Variants in GOLGA1 observed in about 807,000 individuals in gnomAD.
GOLGA1 encodes golgin A1, also known as golgin subfamily A member 1.
GOLGA1 carries 63 observed loss-of-function variants against 119.7 expected under a neutral mutation model. The ratio of observed to expected loss-of-function variants is 0.53; its 90% CI spans 0.43 to 0.65. GOLGA1 has a LOEUF of 0.65. Among genes scored for constraint, GOLGA1 ranks in the 30% least tolerant of loss-of-function variants. The pLI is 0.00. For synonymous variants in GOLGA1, 318 were observed against 333.4 expected (o/e 0.95, Z 0.50); for missense variants, 798 against 912.8 (o/e 0.87, Z 1.62).
chr9:124,925,079 CAAA>C (rs904132877), intron 7 of GOLGA1, among the ~76,000 whole-genome samples: 1 of 132,408 alleles, frequency 7.6e-6, no homozygotes, highest in Admixed American at 7.7e-5. Flanking sequence ...GACTCCGTCT[CAAA>C]AAAAAAAAAG....
chr9:124,923,857 G>A (rs147201348), intron 7 of GOLGA1, among the ~76,000 whole-genome samples: 98 of 151,988 alleles, frequency 6.4e-4, no homozygotes, highest in Middle Eastern at 3.4e-3. Flanking sequence ...CTCTTTCGTC[G>A]TTGTTGTTTG....
chr9:124,911,543 C>T (rs975319142), intron 11 of GOLGA1, among the ~76,000 whole-genome samples: 1 of 152,194 alleles, frequency 6.6e-6, no homozygotes, highest in Admixed American at 6.5e-5. Context: ...TGCCAAGGGG[C>T]AGATGTAGCT....
upstream of GOLGA1, among the ~76,000 whole-genome samples, chr9:124,942,397 G>C (rs1831066252): frequency 6.6e-6 from 1 of 152,160 alleles, no homozygotes; most frequent in Non-Finnish European, 1.5e-5. Flanking sequence ...CCAAGAATAA[G>C]CAGATTCCAC....
chr9:124,899,568 C>T, intron 13 of GOLGA1, 90 bp from the exon 14 acceptor site: 1 of 1,228,416 alleles, frequency 8.1e-7, no homozygotes, highest in Non-Finnish European at 1.1e-6. Context: ...GATGAGTATC[C>T]AACAGAAACA....
At chr9:124,947,695 T>A (rs1175691372) in intron 1 of GOLGA1, 1 of 152,156 alleles carries the variant, frequency 6.6e-6, no homozygotes, top group Non-Finnish European at 1.5e-5. Context: ...CACAAAAATA[T>A]ACATATGCCA....
rs749413063 is a variant in GOLGA1 at position 124,923,181 on chromosome 9, G to T, written c.475C>A (p.Gln159Lys). The change falls in exon 8 of 23, where the codon CAG becomes AAG. Residue 159 changes from glutamine (Q) to lysine (K), a missense_variant. Gln to Lys is a moderately conservative substitution (Grantham distance 53, BLOSUM62 1). Coordinates refer to ENST00000373555, the MANE Select transcript of GOLGA1 (RefSeq NM_002077.4). ...LTAQLQEMKN[Q>K]SMNLFQRRDE... ...CTCCTTTGGAAAAGATTCATACTCTGGTTCTTCATTTCCTGTAACTGGGCT... is the reference window on the plus strand; with the variant it reads ...CTCCTTTGGAAAAGATTCATACTCTTGTTCTTCATTTCCTGTAACTGGGCT... 2 of 1,595,348 alleles carry T rather than the reference G, an allele frequency of 1.3e-6. No individual in the cohort carries two copies. Among genetic ancestry groups the T allele is most frequent in the Non-Finnish European group, 1.7e-6 (2 of 1,164,462 alleles).
chr9:124,905,598 T>G (rs1158413579), intron 12 of GOLGA1, among the ~76,000 whole-genome samples: 1 of 152,170 alleles, frequency 6.6e-6, no homozygotes. Context: ...TCACTCAGTC[T>G]GGAGGTCTTT....
chr9:124,921,030 G>A, intron 10 of GOLGA1, 99 bp downstream of exon 10: 1 of 764,284 alleles, frequency 1.3e-6, no homozygotes, highest in Non-Finnish European at 2.3e-6. Context: ...GACTGCATGA[G>A]AAATGTATGT....
chr9:124,909,701 C>G (rs1379507533), intron 11 of GOLGA1, among the ~76,000 whole-genome samples: 1 of 151,734 alleles, frequency 6.6e-6, no homozygotes, highest in Non-Finnish European at 1.5e-5. Context: ...AGATTTGAGG[C>G]CTTGCTCCAA....
chr9:124,908,811 G>A (rs538674195), intron 11 of GOLGA1, among the ~76,000 whole-genome samples: 1 of 152,338 alleles, frequency 6.6e-6, no homozygotes, highest in South Asian at 2.1e-4. Flanking sequence ...AGGGTTCAGG[G>A]AGCCTCCCAG....
chr9:124,931,215 T>C (rs961906594), intron 4 of GOLGA1, 101 bp downstream of exon 4: 3 of 684,322 alleles, frequency 4.4e-6, no homozygotes, highest in Non-Finnish European at 8.1e-6. Context: ...AAATGATATG[T>C]GAAAATAACT....
intron 11 of GOLGA1, among the ~76,000 whole-genome samples, chr9:124,908,825 G>T (rs1830280822): frequency 6.6e-6 from 1 of 152,234 alleles, no homozygotes; most frequent in South Asian, 2.1e-4. Flanking sequence ...CTCCCAGGCA[G>T]GGGGATGACC....
In GOLGA1 at chr9:124,935,238, T is replaced by C. The variant is rs368046088; in HGVS notation, c.135+3339A>G. 1.2e-4 allele frequency among the ~76,000 whole-genome samples: 18 copies of C among 152,310 alleles called. No homozygotes were observed. The East Asian group carries it at 3.1e-3, about 26-fold the overall frequency. The stretch of plus-strand genomic sequence containing the variant: ...GAATGTCTGCATATACATAATATAA[T>C]ATTTTGGGGATGGGACCCAAGTGTA... On this transcript the variant is annotated intron_variant, in intron 3 of 22. Transcript: ENST00000373555.
intron 15 of GOLGA1, among the ~76,000 whole-genome samples, chr9:124,895,735 A>G (rs1170989471): frequency 6.6e-6 from 1 of 150,684 alleles, no homozygotes; most frequent in East Asian, 2.0e-4. Context: ...AACCATCCAC[A>G]ACAGAGATCC....
intron 19 of GOLGA1, among the ~76,000 whole-genome samples, chr9:124,884,016 A>AT (rs71492426): frequency 6.4e-4 from 95 of 147,604 alleles, no homozygotes; most frequent in Admixed American, 8.8e-4. Context: ...GGGAAAAAAA[A>AT]TTTTTTTTTT....
chr9:124,924,906 T>C (rs1830644085), intron 7 of GOLGA1, among the ~76,000 whole-genome samples: 2 of 151,336 alleles, frequency 1.3e-5, no homozygotes, highest in South Asian at 4.2e-4. Flanking sequence ...AGTGAAACCC[T>C]GTCTCTACTA....
chr9:124,939,752 AG>A (rs1479918567), intron 2 of GOLGA1, among the ~76,000 whole-genome samples: 1 of 151,800 alleles, frequency 6.6e-6, no homozygotes, highest in Non-Finnish European at 1.5e-5. Context: ...AGTAGAGACG[AG>A]GTTTCTCCGT....
At chr9:124,923,474 A>C (rs1348284284) in intron 7 of GOLGA1, among the ~76,000 whole-genome samples, 1 of 152,180 alleles carries the variant, frequency 6.6e-6, no homozygotes, top group Non-Finnish European at 1.5e-5. Context: ...AATCTTCAGG[A>C]AATCTCATGC....
At chr9:124,906,468 G>A (rs546207406) in intron 12 of GOLGA1, among the ~76,000 whole-genome samples, 2 of 150,190 alleles carry the variant, frequency 1.3e-5, no homozygotes, top group African/African-American at 4.9e-5. Flanking sequence ...TACCATCACA[G>A]GCCGGGCGCG....
Sources: gnomAD v4.1 joint callset for allele counts (sites outside exome capture counted in the v4.1 genomes callset) on GRCh38, gnomAD v4.1.1 for gene constraint, MANE v1.5 for transcripts, NCBI Gene and HGNC (gene_info 2026-07-23, HGNC 2026-07-21) for gene names.